Variants in SPON1 observed in about 807,000 individuals in gnomAD.
SPON1 encodes the protein spondin 1, also known as spondin-1.
Under a neutral mutation model 111.7 loss-of-function variants are expected in SPON1, and 52 were observed. That is an observed-to-expected ratio of 0.47 (90% CI 0.37 to 0.59). The LOEUF (loss-of-function observed/expected upper bound fraction) is 0.59. Among genes scored for constraint, SPON1 ranks in the 20% least tolerant of loss-of-function variants. The pLI is 0.00. For missense variants in SPON1, 957 were observed against 1,068.5 expected, an observed-to-expected ratio of 0.90 and a Z score of 1.46; for synonymous variants, 410 against 395.8, an observed-to-expected ratio of 1.04 and a Z score of -0.43.
intron 2 of SPON1, among the ~76,000 whole-genome samples, chr11:14,014,410 C>A (rs1848429807): frequency 1.3e-5 from 2 of 152,188 alleles, no homozygotes. Flanking sequence ...ATGTAGGATT[C>A]CTTTTCCAGA....
chr11:14,197,686 C>T (rs1052005173), intron 6 of SPON1, among the ~76,000 whole-genome samples: 3 of 150,880 alleles, frequency 2.0e-5, no homozygotes, highest in African/African-American at 7.3e-5. Flanking sequence ...CATGGTGGCA[C>T]GCACCTGTAG....
At chr11:13,994,947 T>C (rs1299954412) in intron 2 of SPON1, among the ~76,000 whole-genome samples, 1 of 152,248 alleles carries the variant, frequency 6.6e-6, no homozygotes, top group African/African-American at 2.4e-5. Context: ...GAATGAATAT[T>C]GAAATATAAA....
chr11:14,141,163 C>A (rs1847652240), intron 6 of SPON1, among the ~76,000 whole-genome samples: 2 of 152,100 alleles, frequency 1.3e-5, no homozygotes, highest in South Asian at 4.1e-4. Context: ...CTCCTGCTTA[C>A]TGTTCTGAGT....
At chr11:14,194,581 G>C (rs959603973) in intron 6 of SPON1, among the ~76,000 whole-genome samples, 1 of 150,726 alleles carries the variant, frequency 6.6e-6, no homozygotes, top group Non-Finnish European at 1.5e-5. Context: ...CTGCCTGCGT[G>C]GCTGGTACAA....
intron 3 of SPON1, among the ~76,000 whole-genome samples, chr11:14,062,147 T>G (rs1324842089): frequency 6.6e-6 from 1 of 152,132 alleles, no homozygotes; most frequent in Non-Finnish European, 1.5e-5. Context: ...CTTCCCTTAA[T>G]TTGACTGACA....
At chr11:14,251,026 A>T (rs1554940625) in intron 7 of SPON1, among the ~76,000 whole-genome samples, 1 of 152,210 alleles carries the variant, frequency 6.6e-6, no homozygotes, top group Admixed American at 6.5e-5. Context: ...TTGGAACCTG[A>T]TGGGAAAGGC....
chr11:14,044,726 A>G (rs1488653571), intron 3 of SPON1, among the ~76,000 whole-genome samples: 4 of 152,256 alleles, frequency 2.6e-5, no homozygotes, highest in African/African-American at 9.6e-5. Context: ...CTCTGCTTTT[A>G]CATTCACGAA....
At chr11:14,028,684 G>T (rs1463983273) in intron 2 of SPON1, among the ~76,000 whole-genome samples, 3 of 152,136 alleles carry the variant, frequency 2.0e-5, no homozygotes, top group African/African-American at 7.2e-5. Context: ...CAAAGTCATG[G>T]TCATCAAGCA....
chr11:14,092,056 GAAATGCAGA>G (rs1249969897), intron 5 of SPON1, among the ~76,000 whole-genome samples: 3 of 152,218 alleles, frequency 2.0e-5, no homozygotes, highest in Non-Finnish European at 4.4e-5. Flanking sequence ...TCCTCAGTTG[GAAATGCAGA>G]AATCACCCGC....
intron 6 of SPON1, among the ~76,000 whole-genome samples, chr11:14,226,713 TG>T (rs1848743548): frequency 1.3e-5 from 2 of 152,248 alleles, no homozygotes; most frequent in African/African-American, 4.8e-5. Context: ...CCATTCCTGT[TG>T]CTGTTGTAAC....
At chr11:14,213,437 T>C (rs1294416735) in intron 6 of SPON1, among the ~76,000 whole-genome samples, 2 of 152,152 alleles carry the variant, frequency 1.3e-5, no homozygotes, top group Non-Finnish European at 2.9e-5. Flanking sequence ...AAGATTTATT[T>C]TGGGCTCCTT....
intron 6 of SPON1, among the ~76,000 whole-genome samples, chr11:14,185,774 T>G (rs560088980): frequency 3.5e-4 from 53 of 152,382 alleles, no homozygotes; most frequent in Middle Eastern, 3.4e-3. Flanking sequence ...GATTGACCTC[T>G]GAACCCAAGA....
intron 2 of SPON1, among the ~76,000 whole-genome samples, chr11:13,997,506 A>G (rs151119165): frequency 8.3e-4 from 127 of 152,292 alleles, no homozygotes; most frequent in African/African-American, 2.9e-3. Flanking sequence ...GGGACCCTCA[A>G]TCAATGCCTC....
chr11:14,164,639 T>G (rs782098554), intron 6 of SPON1, among the ~76,000 whole-genome samples: 2 of 152,208 alleles, frequency 1.3e-5, no homozygotes, highest in Admixed American at 6.5e-5. Context: ...ACTGCCTAGA[T>G]AGCCGATTCA....
At chr11:13,965,027 A>G (rs1554907913) in intron 1 of SPON1, among the ~76,000 whole-genome samples, 2 of 151,686 alleles carry the variant, frequency 1.3e-5, no homozygotes, top group African/African-American at 4.8e-5. Flanking sequence ...GGTGGTAGGG[A>G]GTAAATGAGT....
chr11:14,210,697 G>A lies in SPON1; in HGVS notation c.826-32635G>A, dbSNP rs1431734429. Among the ~76,000 whole-genome samples, 8 of 151,942 alleles carry A rather than the reference G, an allele frequency of 5.3e-5. No individual in the cohort carries two copies. The East Asian group carries it at 1.2e-3, about 22-fold the overall frequency. On this transcript the variant is annotated intron_variant, in intron 6 of 15. Transcript: ENST00000576479. ...ATTACAGGCATGAGCCACCGCACCC[G>A]GGCATCTAGGTTTTCTTCTAGGGTT...
At chr11:14,168,977 T>C (rs1392870602) in intron 6 of SPON1, among the ~76,000 whole-genome samples, 4 of 152,212 alleles carry the variant, frequency 2.6e-5, no homozygotes, top group African/African-American at 9.7e-5. Context: ...TGCATGTGTC[T>C]TTATAGCAGC....
At chr11:13,964,486 T>C (rs1848000480) in intron 1 of SPON1, among the ~76,000 whole-genome samples, 1 of 152,228 alleles carries the variant, frequency 6.6e-6, no homozygotes, top group Non-Finnish European at 1.5e-5. Flanking sequence ...GCCACCCTTC[T>C]TGGAGCGCTT....
chr11:14,230,288 A>T (rs1222859614), intron 6 of SPON1, among the ~76,000 whole-genome samples: 1 of 152,144 alleles, frequency 6.6e-6, no homozygotes, highest in Non-Finnish European at 1.5e-5. Context: ...TTTTTATGGA[A>T]ATCAGTTGAT....
Sources: gnomAD v4.1 joint callset for allele counts (sites outside exome capture counted in the v4.1 genomes callset) on GRCh38, gnomAD v4.1.1 for gene constraint, MANE v1.5 for transcripts, NCBI Gene and HGNC (gene_info 2026-07-23, HGNC 2026-07-21) for gene names.